The following RAB44 variants were observed in gnomAD, a reference collection of about 807,000 sequenced individuals.
The protein encoded by RAB44 is ras-related protein Rab-44.
Under a neutral mutation model 93.3 loss-of-function variants are expected in RAB44, and 67 were observed. The observed-to-expected ratio is 0.72, with a 90% CI of 0.59 to 0.88. The LOEUF is 0.88. Ranked by LOEUF, RAB44 falls within the 40% of genes least tolerant of loss-of-function variation. The probability of loss-of-function intolerance (pLI) is 0.00; values close to 1 mark genes in which losing one functional copy is unlikely to be tolerated. For synonymous variants in RAB44, 427 were observed against 520.3 expected (o/e 0.82, Z 2.44); for missense variants, 1,064 against 1,261.7 (o/e 0.84, Z 2.37).
intron 9 of RAB44, among the ~76,000 whole-genome samples, chr6:36,725,546 G>A (rs189502893): frequency 1.3e-5 from 2 of 152,316 alleles, no homozygotes; most frequent in East Asian, 1.9e-4. Flanking sequence ...GAAAGTGCAT[G>A]CAATAATTAG....
rs1763224686 is a variant in RAB44 at position 36,725,848 on chromosome 6, T to G, written c.2600-14T>G. 1 of 1,545,964 alleles carries G rather than the reference T, an allele frequency of 6.5e-7. No homozygotes were observed. ...GGTAACTTAGTAGGCTTCACCCCTC[T>G]CTATGTGTCCTAGGAGTAGATTTTC... On this transcript the variant is annotated splice_polypyrimidine_tract_variant and intron_variant, in intron 9 of 13. Coordinates refer to ENST00000612677, the MANE Select transcript of RAB44 (RefSeq NM_001257357.2).
chr6:36,716,956 A>G (rs1348192854), intron 4 of RAB44, among the ~76,000 whole-genome samples: 1 of 152,162 alleles, frequency 6.6e-6, no homozygotes, highest in Non-Finnish European at 1.5e-5. Context: ...TGGAGGTCAC[A>G]CAGCCTCAGA....
intron 10 of RAB44, among the ~76,000 whole-genome samples, chr6:36,726,248 A>T (rs560464192): frequency 9.5e-4 from 145 of 151,850 alleles, no homozygotes; most frequent in Non-Finnish European, 1.2e-3. Flanking sequence ...GTGATCAAAA[A>T]TTTTTTTTTC....
rs1427286435 is a variant in RAB44 at position 36,717,798 on chromosome 6, A to C, written c.642-230A>C. ...GAGACCCTGGCCAGGGGAACTGGTG[A>C]CGGTTACAAGGGTCGGCGTGGTAGG... On this transcript the variant is annotated intron_variant, in intron 5 of 13. Transcript: ENST00000612677. The surrounding 1 kb of genome is among the most constrained non-coding windows in gnomAD (Gnocchi z 4.1). 6.6e-6 allele frequency among the ~76,000 whole-genome samples: 1 copy of C among 152,124 alleles called. No individual in the cohort carries two copies. Among genetic ancestry groups the C allele is most frequent in the Non-Finnish European group, 1.5e-5 (1 of 68,002 alleles).
At chr6:36,715,406 C>T in intron 3 of RAB44, 73 bp from the exon 4 acceptor site, 1 of 1,405,534 alleles carries the variant, frequency 7.1e-7, no homozygotes, top group Non-Finnish European at 9.6e-7. Flanking sequence ...AGGGCTGGAC[C>T]AGGGCTGGGT....
intron 1 of RAB44, among the ~76,000 whole-genome samples, chr6:36,701,859 C>T (rs778274969): frequency 1.3e-5 from 2 of 152,120 alleles, no homozygotes; most frequent in Non-Finnish European, 2.9e-5. Context: ...GGAATCCAGC[C>T]CACATTCCAC....
Position 36,717,226 on chromosome 6 carries a change from C to A in RAB44, c.495-47C>A. The A allele has an allele frequency of 8.1e-7, 1 of 1,231,680 alleles. No individual in the cohort carries two copies. Among genetic ancestry groups the A allele is most frequent in the South Asian group, 4.1e-5 (1 of 24,176 alleles). The allele number at this position is 1,231,680 out of a possible 1,614,324, so 76.3% of individuals were successfully genotyped here. On this transcript the variant is annotated intron_variant, in intron 4 of 13. Coordinates refer to ENST00000612677, the MANE Select transcript of RAB44 (RefSeq NM_001257357.2). This position sits in a 1 kb window ranked among gnomAD's most constrained non-coding sequence, Gnocchi z 4.1. The stretch of plus-strand genomic sequence containing the variant: ...TGGGGCTCCCCTTGCTTCTCCATCC[C>A]ACCTTGTGTCTGACCCTCCCATCTC...
At chr6:36,719,742 G>A (rs1006354229) in intron 7 of RAB44, among the ~76,000 whole-genome samples, 1 of 152,242 alleles carries the variant, frequency 6.6e-6, no homozygotes, top group Non-Finnish European at 1.5e-5. Flanking sequence ...TGTGATATGT[G>A]GGGGAAGGGC....
Position 36,715,601 on chromosome 6 carries a change from G to A in RAB44, c.442G>A (p.Glu148Lys), listed in dbSNP as rs780178352. The change falls in exon 4 of 14, where the codon GAG becomes AAG. Residue 148 changes from glutamate (E) to lysine (K), a missense_variant. Glu to Lys is a moderately conservative substitution (Grantham distance 56). Transcript: ENST00000612677. Reference sequence around the variant, plus strand: ...GGAGGAGGCGGATGCTGAGGAGAAGGAGGCGTTCCTTGCCTTCATGGAGCA... The same window carrying A: ...GGAGGAGGCGGATGCTGAGGAGAAGAAGGCGTTCCTTGCCTTCATGGAGCA... ...ALEEADAEEK[E>K]AFLAFMEQLG... 349 of 1,536,074 alleles carry A rather than the reference G, an allele frequency of 2.3e-4. No individual in the cohort carries two copies. Among genetic ancestry groups the A allele is most frequent in the Non-Finnish European group, 2.9e-4 (333 of 1,146,922 alleles).
chr6:36,720,982 G>A lies in RAB44; in HGVS notation c.1017-169G>A, dbSNP rs147909720. 9.2e-5 allele frequency among the ~76,000 whole-genome samples: 14 copies of A among 152,348 alleles called. No homozygotes were observed. The East Asian group carries it at 2.3e-3, about 25-fold the overall frequency. ...GTCTTGAGGATGGACAGGATTGGATGAGGAGGAGGAATGGGGAGCACATAC... is the reference window on the plus strand; with the variant it reads ...GTCTTGAGGATGGACAGGATTGGATAAGGAGGAGGAATGGGGAGCACATAC... On this transcript the variant is annotated intron_variant, in intron 8 of 13. Transcript: ENST00000612677.
chr6:36,706,204 T>A (rs1455096587), intron 2 of RAB44, among the ~76,000 whole-genome samples: 9 of 148,240 alleles, frequency 6.1e-5, no homozygotes, highest in African/African-American at 2.3e-4. Context: ...CCAGGCTGGT[T>A]GGACTTTTAA....
rs1322723061 is a variant in RAB44 at position 36,722,739 on chromosome 6, G to A, written c.2599+6G>A. On this transcript the variant is annotated splice_donor_region_variant and intron_variant, in intron 9 of 13. Coordinates refer to ENST00000612677, the MANE Select transcript of RAB44 (RefSeq NM_001257357.2). ...CGGATTGACAGCTACCGTGGGTAAG[G>A]GCATTGGGGAGGGCGGCAGGGAGCA... The A allele has an allele frequency of 3.2e-6, 5 of 1,550,572 alleles. No individual in the cohort carries two copies. In the South Asian group the frequency reaches 5.9e-5, roughly 18 times the overall value.
intron 7 of RAB44, among the ~76,000 whole-genome samples, chr6:36,719,368 G>T (rs1401881120): frequency 6.6e-6 from 1 of 152,202 alleles, no homozygotes; most frequent in African/African-American, 2.4e-5. Flanking sequence ...GCCAAGTGAA[G>T]AGATAGGGCT....
intron 1 of RAB44, among the ~76,000 whole-genome samples, chr6:36,702,751 C>G (rs1306834257): frequency 6.6e-6 from 1 of 152,212 alleles, no homozygotes; most frequent in Non-Finnish European, 1.5e-5. Context: ...CTTGTTCCCG[C>G]AAAGCAGGCT....
chr6:36,720,229 A>G (rs236480), intron 7 of RAB44, 134 bp from the exon 8 acceptor site: 2 of 672,838 alleles, frequency 3.0e-6, no homozygotes, highest in Admixed American at 8.7e-5. Context: ...ACCGCCCACC[A>G]CTACTCTGAT....
chr6:36,707,181 G>A (rs562708940), intron 2 of RAB44, among the ~76,000 whole-genome samples: 2 of 151,948 alleles, frequency 1.3e-5, no homozygotes, highest in Non-Finnish European at 1.5e-5. Context: ...TTAGCCAGGC[G>A]TGGTGGCTAT....
At chr6:36,704,610 A>G (rs1287320810) in intron 2 of RAB44, among the ~76,000 whole-genome samples, 168 bp downstream of exon 2, 1 of 152,218 alleles carries the variant, frequency 6.6e-6, no homozygotes, top group African/African-American at 2.4e-5. Context: ...AATGACAGGT[A>G]AGGCTTTATG....
Position 36,717,194 on chromosome 6 carries a change from T to A in RAB44, c.495-79T>A. 8.2e-7 allele frequency: 1 copy of A among 1,213,710 alleles called. No individual in the cohort carries two copies. The highest frequency in any genetic ancestry group is 1.0e-6 in the Non-Finnish European group (1 of 971,824). The allele number at this position is 1,213,710 out of a possible 1,614,324, so 75.2% of individuals were successfully genotyped here. ...TCTCTTGGAGCGCTGCAGTGAAAACTGAGGAGTGGGGCTCCCCTTGCTTCT... is the reference window on the plus strand; with the variant it reads ...TCTCTTGGAGCGCTGCAGTGAAAACAGAGGAGTGGGGCTCCCCTTGCTTCT... On this transcript the variant is annotated intron_variant, in intron 4 of 13. Transcript: ENST00000612677. The surrounding 1 kb of genome is among the most constrained non-coding windows in gnomAD (Gnocchi z 4.1).
chr6:36,724,396 A>T (rs1319331144), intron 9 of RAB44, among the ~76,000 whole-genome samples: 1 of 151,986 alleles, frequency 6.6e-6, no homozygotes, highest in Admixed American at 6.6e-5. Context: ...ACCTCAGGTG[A>T]TCTGCCCGCC....
Sources: allele counts gnomAD v4.1 joint callset (sites outside exome capture counted in the v4.1 genomes callset), GRCh38; gene constraint gnomAD v4.1.1; non-coding constraint Gnocchi (gnomAD v3.1); transcripts MANE v1.5; gene names NCBI Gene and HGNC (gene_info 2026-07-23, HGNC 2026-07-21).